Variants in TLR3 observed in about 807,000 individuals in gnomAD.
TLR3 encodes toll-like receptor 3.
A neutral mutation model predicts 66.4 loss-of-function variants in TLR3; 43 were observed. That is an observed-to-expected ratio of 0.65 (90% confidence interval 0.51 to 0.83). The LOEUF (loss-of-function observed/expected upper bound fraction) is 0.83. Among genes scored for constraint, TLR3 ranks in the 40% least tolerant of loss-of-function variants. The pLI is 0.00. For synonymous variants in TLR3, 397 were observed against 397.2 expected (o/e 1.00, Z 0.01); for missense variants, 982 against 1,044.6 (o/e 0.94, Z 0.83).
rs1182802270 is a variant in TLR3 at position 186,085,944 on chromosome 4, A to G, written c.*1071A>G. 1.3e-5 allele frequency: 2 copies of G among 152,124 alleles called. No homozygotes were observed. Among genetic ancestry groups the G allele is most frequent in the Admixed American group, 6.6e-5 (1 of 15,264 alleles). 9.4% of individuals were successfully genotyped at this position (152,124 alleles called of 1,614,324 possible). The stretch of plus-strand genomic sequence containing the variant: ...CAGTGGTCCAACCTCGGCCCACCGC[A>G]ACCTCCACCTCTGAGTTCAAGCTAT... On this transcript the variant is annotated 3_prime_UTR_variant, in exon 5 of 5. Coordinates refer to ENST00000296795, the MANE Select transcript of TLR3 (RefSeq NM_003265.3).
In TLR3 at chr4:186,084,050, G is replaced by T. The variant is rs764668957; in HGVS notation, c.2364G>T (p.Leu788=). 1.9e-6 allele frequency: 3 copies of T among 1,614,106 alleles called. No homozygotes were observed. Among genetic ancestry groups the T allele is most frequent in the Non-Finnish European group, 2.5e-6 (3 of 1,180,022 alleles). The change falls in exon 4 of 5, where the codon CTG becomes CTT. Residue 788 remains leucine (L), a synonymous_variant. Coordinates refer to ENST00000296795, the MANE Select transcript of TLR3 (RefSeq NM_003265.3). ...EKEDQSLKFC[L]EERDFEAGVF... is the part of the protein sequence containing the mutation. ...AAGACCAATCTCTCAAATTTTGTCT[G>T]GAAGAAAGGGACTTTGAGGCGGGTG...
At chr4:186,084,242 A>G (rs1271890020) in intron 4 of TLR3, 70 bp downstream of exon 4, 12 of 1,415,032 alleles carry the variant, frequency 8.5e-6, no homozygotes, top group Non-Finnish European at 1.1e-5. Flanking sequence ...TTTTTTTGAG[A>G]TGGAGTCCTG....
chr4:186,083,465 A>G lies in TLR3; in HGVS notation c.1779A>G (p.Leu593=), dbSNP rs200785357. ...TATTTGAACTAAAGATCATCGATTT[A>G]GGATTGAATAATTTAAACACACTTC... ...KDLFELKIID[L]GLNNLNTLPA... The change falls in exon 4 of 5, where the codon TTA becomes TTG. Residue 593 remains leucine (L), a synonymous_variant. Transcript: ENST00000296795. The surrounding 1 kb of genome is among the most constrained non-coding windows in gnomAD (Gnocchi z 4.0). 25 of 1,609,560 alleles carry G rather than the reference A, an allele frequency of 1.6e-5. No individual in the cohort carries two copies. The African/African-American group carries it at 2.7e-4, about 17-fold the overall frequency.
chr4:186,071,663 T>C (rs2099301494), intron 1 of TLR3, among the ~76,000 whole-genome samples: 1 of 144,230 alleles, frequency 6.9e-6, no homozygotes, highest in African/African-American at 2.5e-5. Flanking sequence ...ATGGGAATAT[T>C]AGTTTATGGA....
chr4:186,083,853 A>G lies in TLR3; in HGVS notation c.2167A>G (p.Ile723Val). 1 of 1,613,612 alleles carries G rather than the reference A, an allele frequency of 6.2e-7. No individual in the cohort carries two copies. The highest frequency in any genetic ancestry group is 8.5e-7 in the Non-Finnish European group (1 of 1,179,572). The change falls in exon 4 of 5, where the codon ATC becomes GTC. Residue 723 changes from isoleucine (I) to valine (V), a missense_variant. Physicochemically the swap from Ile to Val is conservative, Grantham distance 29. Transcript: ENST00000296795. The surrounding 1 kb of genome is among the most constrained non-coding windows in gnomAD (Gnocchi z 4.0). Reference sequence around the variant, plus strand: ...GATTTTTATCTTTATTGTACTTCTCATCCACTTTGAGGGCTGGAGGATATC... The same window carrying G: ...GATTTTTATCTTTATTGTACTTCTCGTCCACTTTGAGGGCTGGAGGATATC... ...LLIFIFIVLL[I>V]HFEGWRISFY... is the part of the protein sequence containing the mutation.
At chr4:186,076,497 A>G in intron 1 of TLR3, 116 bp from the exon 2 acceptor site, 3 of 987,368 alleles carry the variant, frequency 3.0e-6, no homozygotes, top group Non-Finnish European at 4.7e-6. Flanking sequence ...AACTATGAGT[A>G]ATAACATCAT....
At chr4:186,079,946 C>T (rs1302099411) in intron 3 of TLR3, among the ~76,000 whole-genome samples, 2 of 152,166 alleles carry the variant, frequency 1.3e-5, no homozygotes, top group Admixed American at 6.5e-5. Context: ...TGGGCTAACT[C>T]GCAGGGGCCT....
At chr4:186,070,995 G>A (rs1044132998) in intron 1 of TLR3, among the ~76,000 whole-genome samples, 4 of 152,168 alleles carry the variant, frequency 2.6e-5, no homozygotes, top group Admixed American at 2.0e-4. Context: ...ACTATGCTTT[G>A]CCTGGATATG....
At chr4:186,073,517 C>T (rs1334857521) in intron 1 of TLR3, among the ~76,000 whole-genome samples, 1 of 151,164 alleles carries the variant, frequency 6.6e-6, no homozygotes, top group African/African-American at 2.4e-5. Context: ...GAGACTCCAT[C>T]TCAAAAAAAA....
At chr4:186,080,811 C>A (rs1254189325) in intron 3 of TLR3, among the ~76,000 whole-genome samples, 3 of 151,990 alleles carry the variant, frequency 2.0e-5, no homozygotes, top group Non-Finnish European at 1.5e-5. Context: ...AGGCTGGTCT[C>A]GAACTCCTGA....
Position 186,083,175 on chromosome 4 carries a change from A to C in TLR3, c.1489A>C (p.Ser497Arg). ...LRRVALKNVD[S>R]SPSPFQPLRN... ...AAGGGTGGCCCTTAAAAATGTGGAT[A>C]GCTCTCCTTCACCATTCCAGCCTCT... The change falls in exon 4 of 5, where the codon AGC (serine) becomes CGC (arginine). Residue 497 changes from serine to arginine, a missense_variant. Physicochemically the swap from Ser to Arg is moderately radical, Grantham distance 110. Around this residue, in one of 3 missense-constraint regions of TLR3, gnomAD observed 666 missense variants for 709.0 expected, o/e 0.94. Coordinates refer to ENST00000296795, the MANE Select transcript of TLR3 (RefSeq NM_003265.3). The surrounding 1 kb of genome is among the most constrained non-coding windows in gnomAD (Gnocchi z 4.0). 6.2e-7 allele frequency: 1 copy of C among 1,614,216 alleles called. No homozygotes were observed.
rs2150067871 is a variant in TLR3, at chr4:186,082,961, T to G, written c.1275T>G (p.Asp425Glu). ...ATAAAATCTCAAAAATAGAGAGTGA[T>G]GCTTTCTCTTGGTTGGGCCACCTAG... ...TKNKISKIES[D>E]AFSWLGHLEV... Residue 425 changes from aspartate to glutamate, a missense_variant, in exon 4 of 5, where the codon GAT becomes GAG. This residue lies in a region of TLR3 where 666 missense variants were observed against 709.0 expected (regional missense o/e 0.94). Coordinates refer to ENST00000296795, the MANE Select transcript of TLR3 (RefSeq NM_003265.3). The G allele has an allele frequency of 6.2e-7, 1 of 1,614,200 alleles. No homozygotes were observed. Among genetic ancestry groups the G allele is most frequent in the Non-Finnish European group, 8.5e-7 (1 of 1,180,034 alleles).
intron 2 of TLR3, among the ~76,000 whole-genome samples, 166 bp from the exon 3 acceptor site, chr4:186,078,674 G>T (rs1449062080): frequency 6.6e-6 from 1 of 152,134 alleles, no homozygotes; most frequent in African/African-American, 2.4e-5. Flanking sequence ...ACGTAACAAA[G>T]ATTAATCAGA....
chr4:186,075,074 A>G (rs2099302227), intron 1 of TLR3, among the ~76,000 whole-genome samples: 1 of 152,206 alleles, frequency 6.6e-6, no homozygotes, highest in Admixed American at 6.5e-5. Context: ...AAATTATGAT[A>G]AAAAGAATAG....
Position 186,083,844 on chromosome 4 carries a change from G to A in TLR3, c.2158G>A (p.Val720Ile), listed in dbSNP as rs1218359456. 5 of 1,613,800 alleles carry A rather than the reference G, an allele frequency of 3.1e-6. No individual in the cohort carries two copies. The African/African-American group carries it at 4.0e-5, about 13-fold the overall frequency. ...TSILLIFIFI[V>I]LLIHFEGWRI... ...TATCCTGTTGATTTTTATCTTTATT[G>A]TACTTCTCATCCACTTTGAGGGCTG... Residue 720 changes from valine (V) to isoleucine (I), a missense_variant, in exon 4 of 5, where the codon GTA (valine) becomes ATA (isoleucine). Physicochemically the swap from Val to Ile is conservative, Grantham distance 29 (BLOSUM62 3). Around this residue, in one of 3 missense-constraint regions of TLR3, gnomAD observed 666 missense variants for 709.0 expected, o/e 0.94. Transcript: ENST00000296795. This position sits in a 1 kb window ranked among gnomAD's most constrained non-coding sequence, Gnocchi z 4.0.
chr4:186,087,959 C>G lies in TLR3; in HGVS notation c.*3086C>G, dbSNP rs2099304641. On this transcript the variant is annotated 3_prime_UTR_variant, in exon 5 of 5. Coordinates refer to ENST00000296795, the MANE Select transcript of TLR3 (RefSeq NM_003265.3). Reference sequence around the variant, plus strand: ...TAATTGGGTTATGGTAATAATTGTACAACTATGTAAATTTACTGAAAGTCA... The same window carrying G: ...TAATTGGGTTATGGTAATAATTGTAGAACTATGTAAATTTACTGAAAGTCA... 1 of 152,096 alleles carries G rather than the reference C, an allele frequency of 6.6e-6. No homozygotes were observed. The highest frequency in any genetic ancestry group is 1.9e-4 in the East Asian group (1 of 5,192). The allele number at this position is 152,096 out of a possible 1,614,324, so 9.4% of individuals were successfully genotyped here.
At chr4:186,079,099 A>G in intron 3 of TLR3, 68 bp downstream of exon 3, 1 of 1,352,826 alleles carries the variant, frequency 7.4e-7, no homozygotes, top group Non-Finnish European at 1.0e-6. Context: ...TGTGTCACAT[A>G]CACAGGAATG....
chr4:186,074,340 G>A (rs375249196), intron 1 of TLR3, among the ~76,000 whole-genome samples: 7 of 152,352 alleles, frequency 4.6e-5, no homozygotes, highest in Middle Eastern at 3.4e-3. Context: ...GACAGCCGGC[G>A]TGTGACTGCA....
In TLR3 at chr4:186,082,673, G is replaced by A; in HGVS notation, c.987G>A (p.Leu329=). Residue 329 remains leucine, a synonymous_variant, in exon 4 of 5, where the codon TTG becomes TTA. Coordinates refer to ENST00000296795, the MANE Select transcript of TLR3 (RefSeq NM_003265.3). ...HGLFNVRYLN[L]KRSFTKQSIS... ...TTTTCAATGTGAGGTACCTGAATTT[G>A]AAACGGTCTTTTACTAAACAAAGTA... is the stretch of plus-strand genomic sequence containing the variant. 1 of 1,614,034 alleles carries A rather than the reference G, an allele frequency of 6.2e-7. No homozygotes were observed. Among genetic ancestry groups the A allele is most frequent in the Non-Finnish European group, 8.5e-7 (1 of 1,179,946 alleles).
Sources: gnomAD v4.1 joint callset for allele counts (sites outside exome capture counted in the v4.1 genomes callset) on GRCh38, gnomAD v4.1.1 for gene constraint, gnomAD v4.1.1 regional missense constraint, Gnocchi (gnomAD v3.1) non-coding constraint, MANE v1.5 for transcripts, NCBI Gene and HGNC (gene_info 2026-07-23, HGNC 2026-07-21) for gene names.